DCDC1: variants seen among roughly 807,000 people sequenced by gnomAD.
DCDC1 encodes doublecortin domain-containing protein 1.
Under a neutral mutation model 178.3 loss-of-function variants are expected in DCDC1, and 200 were observed. The ratio of observed to expected loss-of-function variants is 1.12; its 90% CI spans 1.00 to 1.26. The LOEUF is 1.26. Among genes scored for constraint, DCDC1 ranks in the 50% most tolerant of loss-of-function variants. DCDC1 has a pLI of 0.00. For synonymous variants in DCDC1, 690 were observed against 604.8 expected, an observed-to-expected ratio of 1.14 and a Z score of -2.07; for missense variants, 1,983 against 1,749.2, an observed-to-expected ratio of 1.13 and a Z score of -2.38.
intron 8 of DCDC1, among the ~76,000 whole-genome samples, chr11:31,261,576 A>T (rs1344163655): frequency 1.3e-5 from 2 of 152,218 alleles, no homozygotes; most frequent in Non-Finnish European, 2.9e-5. Context: ...ACACAGTATT[A>T]GGTATTATAA....
intron 9 of DCDC1, among the ~76,000 whole-genome samples, chr11:31,211,568 C>G (rs772638533): frequency 1.3e-5 from 2 of 152,180 alleles, no homozygotes; most frequent in Admixed American, 6.5e-5. Flanking sequence ...TACTTACAGA[C>G]ATGCCTAGAT....
chr11:30,923,841 T>C (rs1316461470), intron 23 of DCDC1, among the ~76,000 whole-genome samples: 3 of 152,064 alleles, frequency 2.0e-5, no homozygotes, highest in African/African-American at 4.8e-5. Context: ...AGTCTTGAAC[T>C]CTTAAGCTCA....
chr11:30,907,139 A>C (rs1945121135), intron 29 of DCDC1, among the ~76,000 whole-genome samples: 1 of 152,208 alleles, frequency 6.6e-6, no homozygotes, highest in Admixed American at 6.5e-5. Context: ...CAACAGAAAG[A>C]CTGATAACTA....
intron 11 of DCDC1, among the ~76,000 whole-genome samples, chr11:31,114,734 G>T (rs1019219312): frequency 6.6e-6 from 1 of 152,098 alleles, no homozygotes; most frequent in Non-Finnish European, 1.5e-5. Flanking sequence ...GAGGTAAGGG[G>T]TAGAGAATGA....
chr11:31,024,068 G>A (rs1176506258), intron 20 of DCDC1, among the ~76,000 whole-genome samples: 1 of 151,946 alleles, frequency 6.6e-6, no homozygotes, highest in African/African-American at 2.4e-5. Flanking sequence ...AAAGGTACAT[G>A]ATTAGGAACA....
chr11:30,878,521 T>C, intron 38 of DCDC1, 23 bp downstream of exon 38: 2 of 1,468,156 alleles, frequency 1.4e-6, no homozygotes, highest in Non-Finnish European at 1.8e-6. Context: ...ATAACAAACA[T>C]GAGTATGTGC....
chr11:31,312,130 A>G (rs770489383), intron 3 of DCDC1, among the ~76,000 whole-genome samples: 1 of 152,144 alleles, frequency 6.6e-6, no homozygotes, highest in Non-Finnish European at 1.5e-5. Flanking sequence ...CAGTTCCATC[A>G]GCTTTTGGTC....
intron 9 of DCDC1, among the ~76,000 whole-genome samples, chr11:31,204,145 G>A (rs1971612373): frequency 6.6e-6 from 1 of 152,114 alleles, no homozygotes; most frequent in Non-Finnish European, 1.5e-5. Context: ...GCACATAATT[G>A]GCTCTATGAG....
At chr11:31,250,413 C>CATATATAT (rs1565496380) in intron 8 of DCDC1, among the ~76,000 whole-genome samples, 1 of 93,110 alleles carries the variant, frequency 1.1e-5, no homozygotes, top group Non-Finnish European at 2.1e-5. Context: ...CACACACACA[C>CATATATAT]ACATATACAT....
chr11:30,893,464 T>C (rs1391851157), intron 35 of DCDC1, among the ~76,000 whole-genome samples: 2 of 152,208 alleles, frequency 1.3e-5, no homozygotes, highest in African/African-American at 4.8e-5. Context: ...TCCACCCTTA[T>C]ACTTTGCCAG....
chr11:31,160,405 T>C (rs1403594061), intron 9 of DCDC1, among the ~76,000 whole-genome samples: 4 of 152,220 alleles, frequency 2.6e-5, no homozygotes, highest in Non-Finnish European at 5.9e-5. Flanking sequence ...TTATGCTATA[T>C]AAATGTTACA....
chr11:31,312,141 C>T (rs1281541230), intron 3 of DCDC1, among the ~76,000 whole-genome samples: 3 of 152,090 alleles, frequency 2.0e-5, no homozygotes, highest in East Asian at 3.9e-4. Flanking sequence ...GCTTTTGGTC[C>T]TTACTTGCCC....
At chr11:31,192,211 T>A (rs1475554913) in intron 9 of DCDC1, among the ~76,000 whole-genome samples, 2 of 152,094 alleles carry the variant, frequency 1.3e-5, no homozygotes, top group African/African-American at 4.8e-5. Context: ...CTGTTCTTTC[T>A]GCTTCCAAAA....
chr11:30,949,887 G>C (rs1023352558), intron 21 of DCDC1, among the ~76,000 whole-genome samples: 8 of 152,108 alleles, frequency 5.3e-5, no homozygotes, highest in African/African-American at 1.9e-4. Context: ...ATAGCATTAG[G>C]AGAAATACCT....
chr11:31,156,503 A>G (rs191439092), intron 9 of DCDC1, among the ~76,000 whole-genome samples: 3,328 of 152,178 alleles, frequency 0.022, 120 homozygotes, highest in African/African-American at 0.075. Context: ...AAAAAGAAAC[A>G]GGTAAAATTT....
In DCDC1 at chr11:30,878,535, T is replaced by G; in HGVS notation, c.*40+9A>C. The G allele has an allele frequency of 6.4e-7, 1 of 1,551,264 alleles. No homozygotes were observed. The highest frequency in any genetic ancestry group is 1.7e-4 in the Middle Eastern group (1 of 5,756). ...CATAACAAACATGAGTATGTGCACA[T>G]AGCTATACCAGAAAAATACAGCAGA... is the stretch of plus-strand genomic sequence containing the variant. On this transcript the variant is annotated intron_variant, in intron 38 of 38. Transcript: ENST00000684477.
At chr11:30,962,911 C>G (rs1949192612) in intron 20 of DCDC1, among the ~76,000 whole-genome samples, 1 of 152,054 alleles carries the variant, frequency 6.6e-6, no homozygotes, top group Non-Finnish European at 1.5e-5. Flanking sequence ...TCAGTAGTCT[C>G]TACAAAGTGC....
chr11:31,304,088 T>C (rs1214084623), intron 6 of DCDC1, among the ~76,000 whole-genome samples: 3 of 152,106 alleles, frequency 2.0e-5, no homozygotes, highest in African/African-American at 7.2e-5. Flanking sequence ...TTGAAAAGGA[T>C]AAAAGAGAAA....
chr11:31,017,650 G>A (rs1952572425), intron 20 of DCDC1, among the ~76,000 whole-genome samples: 1 of 151,438 alleles, frequency 6.6e-6, no homozygotes, highest in African/African-American at 2.4e-5. Context: ...CAGAATCACA[G>A]CTCACTGCAG....
Sources: allele counts gnomAD v4.1 joint callset (sites outside exome capture counted in the v4.1 genomes callset), GRCh38; gene constraint gnomAD v4.1.1; transcripts MANE v1.5; gene names NCBI Gene and HGNC (gene_info 2026-07-23, HGNC 2026-07-21).